The following STK32B variants were observed in gnomAD, a reference collection of about 807,000 sequenced individuals.
STK32B encodes the protein serine/threonine-protein kinase 32B.
STK32B carries 43 observed loss-of-function variants against 52.6 expected under a neutral mutation model. That is an observed-to-expected ratio of 0.82 (90% CI 0.64 to 1.05). STK32B has a LOEUF of 1.05. Among genes scored for constraint, STK32B ranks in the 50% least tolerant of loss-of-function variants. The pLI is 0.00. For missense variants in STK32B, 621 were observed against 534.6 expected (o/e 1.16, Z -1.59); for synonymous variants, 238 against 204.3 (o/e 1.17, Z -1.41).
chr4:5,102,527 T>TA (rs1713862292), intron 1 of STK32B, among the ~76,000 whole-genome samples: 5 of 140,520 alleles, frequency 3.6e-5, no homozygotes, highest in African/African-American at 1.3e-4. Flanking sequence ...CTTCTTTCTT[T>TA]CTTTACTTTC....
intron 4 of STK32B, among the ~76,000 whole-genome samples, chr4:5,383,026 T>G (rs1736030604): frequency 6.6e-6 from 1 of 152,186 alleles, no homozygotes; most frequent in Non-Finnish European, 1.5e-5. Context: ...TCTTAAAATA[T>G]TAATTCACCG....
intron 2 of STK32B, among the ~76,000 whole-genome samples, chr4:5,148,248 C>G (rs1422152586): frequency 6.6e-6 from 1 of 151,696 alleles, no homozygotes; most frequent in African/African-American, 2.4e-5. Context: ...TGTAACTTCT[C>G]TTTCATTTCT....
At chr4:5,317,067 T>A (rs1304845891) in intron 3 of STK32B, among the ~76,000 whole-genome samples, 1 of 43,712 alleles carries the variant, frequency 2.3e-5, no homozygotes, top group South Asian at 7.5e-4. Flanking sequence ...TATGATATAA[T>A]ATATTATATA....
intron 1 of STK32B, among the ~76,000 whole-genome samples, chr4:5,059,481 T>A (rs1156416277): frequency 6.6e-6 from 1 of 152,212 alleles, no homozygotes; most frequent in Non-Finnish European, 1.5e-5. Context: ...TGACTTTTCT[T>A]CTTTTTGTGA....
At chr4:5,298,402 G>A (rs976680976) in intron 3 of STK32B, among the ~76,000 whole-genome samples, 1 of 152,118 alleles carries the variant, frequency 6.6e-6, no homozygotes, top group Admixed American at 6.5e-5. Context: ...CCTTCCCCCT[G>A]GTGCTCTGTC....
At position 5,051,505 on chromosome 4, in the gene STK32B, G is replaced by C. The variant is rs1741777052; in HGVS notation, c.-359G>C. The C allele has an allele frequency of 6.8e-6, 2 of 295,028 alleles. No homozygotes were observed. Among genetic ancestry groups the C allele is most frequent in the East Asian group, 1.4e-4 (2 of 14,674 alleles). The allele number at this position is 295,028 out of a possible 1,614,324, so 18.3% of individuals were successfully genotyped here. A position where few individuals can be genotyped will look rare whatever the true frequency, so the allele number is the denominator to read the frequency against. On this transcript the variant is annotated 5_prime_UTR_variant, in exon 1 of 12. Transcript: ENST00000282908. ...CTTCCCCTCCTTCCCCTGCTCCCGC[G>C]CCGCCTCGCGTCTCCCGCCCGCTGT...
intron 3 of STK32B, among the ~76,000 whole-genome samples, chr4:5,234,207 C>T (rs1468489190): frequency 6.6e-6 from 1 of 152,142 alleles, no homozygotes. Context: ...TCTTTTGAAT[C>T]AACTCTGCTA....
chr4:5,191,407 C>A (rs144397078), intron 3 of STK32B, among the ~76,000 whole-genome samples: 2 of 152,094 alleles, frequency 1.3e-5, no homozygotes, highest in African/African-American at 4.8e-5. Context: ...CACACCACCA[C>A]GCCTGGCTAA....
intron 2 of STK32B, among the ~76,000 whole-genome samples, chr4:5,154,874 C>G (rs985609041): frequency 6.6e-6 from 1 of 152,216 alleles, no homozygotes. Flanking sequence ...TTGGTCTAGA[C>G]AGCAGCCAGG....
intron 1 of STK32B, among the ~76,000 whole-genome samples, chr4:5,096,390 A>C (rs773710313): frequency 3.3e-5 from 5 of 152,182 alleles, no homozygotes; most frequent in Non-Finnish European, 5.9e-5. Flanking sequence ...CGTGGTCAAC[A>C]TTTCTGCATC....
Position 5,244,614 on chromosome 4 carries a change from G to C in STK32B, c.260+76164G>C, listed in dbSNP as rs182034114. On this transcript the variant is annotated intron_variant, in intron 3 of 11. Transcript: ENST00000282908. ...TGATCTTAGTTATTTCTTGCCTTCT[G>C]CTAGCTTTTGAATGTGTTTGCTCTT... Among the ~76,000 whole-genome samples, 25 of 152,194 alleles carry C rather than the reference G, an allele frequency of 1.6e-4. No homozygotes were observed. The East Asian group carries it at 4.6e-3, about 28-fold the overall frequency.
chr4:5,247,645 C>T (rs1725558342), intron 3 of STK32B, among the ~76,000 whole-genome samples: 1 of 152,194 alleles, frequency 6.6e-6, no homozygotes, highest in South Asian at 2.1e-4. Context: ...ATGCAGAAAT[C>T]ACCCATCTTC....
chr4:5,373,544 A>T (rs973582340), intron 4 of STK32B, among the ~76,000 whole-genome samples: 11 of 152,278 alleles, frequency 7.2e-5, no homozygotes, highest in African/African-American at 2.6e-4. Flanking sequence ...ACCCCCTCTT[A>T]AGGGAGGCAA....
intron 7 of STK32B, among the ~76,000 whole-genome samples, chr4:5,452,419 CAGGAGTCACAAGCCTGGGAGGTAA>C (rs1716089534): frequency 6.6e-6 from 1 of 152,184 alleles, no homozygotes; most frequent in African/African-American, 2.4e-5. Context: ...AGCACTGTGC[CAGGAGTCACAAGCCTGGGAGGTAA>C]TGGAGTCTGT....
intron 3 of STK32B, among the ~76,000 whole-genome samples, chr4:5,176,143 A>G (rs1376905131): frequency 6.6e-6 from 1 of 152,076 alleles, no homozygotes; most frequent in African/African-American, 2.4e-5. Context: ...TGTTGCGCCC[A>G]TTGGAAAAGC....
At chr4:5,422,039 T>C (rs528685380) in intron 6 of STK32B, among the ~76,000 whole-genome samples, 83 of 152,334 alleles carry the variant, frequency 5.4e-4, no homozygotes, top group African/African-American at 1.8e-3. Flanking sequence ...AATAAGTTCA[T>C]TGTCCCAGCT....
intron 9 of STK32B, among the ~76,000 whole-genome samples, chr4:5,461,753 T>C (rs1489974705): frequency 1.3e-5 from 2 of 152,212 alleles, no homozygotes; most frequent in African/African-American, 4.8e-5. Flanking sequence ...GCACAGGGCT[T>C]CGTCCTTCAT....
At chr4:5,352,864 C>G (rs997667108) in intron 4 of STK32B, among the ~76,000 whole-genome samples, 2 of 152,080 alleles carry the variant, frequency 1.3e-5, no homozygotes, top group Non-Finnish European at 2.9e-5. Context: ...ACAGCAATCT[C>G]TATGAAAATA....
intron 1 of STK32B, among the ~76,000 whole-genome samples, chr4:5,081,250 C>G (rs1319859113): frequency 1.3e-5 from 2 of 152,124 alleles, no homozygotes; most frequent in Admixed American, 1.3e-4. Context: ...AGTTGGAGTT[C>G]CCTATGTGTA....
Sources: gnomAD v4.1 joint callset for allele counts (sites outside exome capture counted in the v4.1 genomes callset) on GRCh38, gnomAD v4.1.1 for gene constraint, MANE v1.5 for transcripts, NCBI Gene and HGNC (gene_info 2026-07-23, HGNC 2026-07-21) for gene names.